ICE1: variants seen among roughly 807,000 people sequenced by gnomAD.
The protein encoded by ICE1 is little elongation complex subunit 1.
ICE1 carries 64 observed loss-of-function variants against 192.7 expected under a neutral mutation model. The ratio of observed to expected loss-of-function variants is 0.33; its 90% CI spans 0.27 to 0.41. ICE1 has a LOEUF of 0.41. Ranked by LOEUF, ICE1 falls within the 10% of genes least tolerant of loss-of-function variation. The pLI is 1.00. For missense variants in ICE1, 2,708 were observed against 2,696.0 expected, an observed-to-expected ratio of 1.00 and a Z score of -0.10; for synonymous variants, 1,010 against 984.5, an observed-to-expected ratio of 1.03 and a Z score of -0.49.
rs935820202 is a variant in ICE1 at position 5,463,219 on chromosome 5, C to G, written c.3885C>G (p.Thr1295=). The G allele has an allele frequency of 6.2e-7, 1 of 1,611,326 alleles. No homozygotes were observed. ...TCTTAAATGTAAATAACAACATGAC[C>G]ACTGAGAATTTAAAAGAGAAAAGTC... is the stretch of plus-strand genomic sequence containing the variant. ...LLLLNVNNNM[T]TENLKEKSPF... The change falls in exon 13 of 19, where the codon ACC becomes ACG. Residue 1295 remains threonine (T), a synonymous_variant. Coordinates refer to ENST00000296564, the MANE Select transcript of ICE1 (RefSeq NM_015325.3).
At chr5:5,478,842 C>G (rs574855910) in intron 17 of ICE1, among the ~76,000 whole-genome samples, 1 of 152,002 alleles carries the variant, frequency 6.6e-6, no homozygotes, top group South Asian at 2.1e-4. Context: ...AAACAAGCAA[C>G]GGGAAAAGGA....
chr5:5,461,098 A>G lies in ICE1; in HGVS notation c.1764A>G (p.Leu588=), dbSNP rs374313250. 31 of 1,613,942 alleles carry G rather than the reference A, an allele frequency of 1.9e-5. No individual in the cohort carries two copies. Among genetic ancestry groups the G allele is most frequent in the South Asian group, 9.9e-5 (9 of 91,094 alleles). ...RITVSGHFHR[L]SRELEKEKED... ...CAGTTTCTGGCCATTTTCACAGACT[A>G]TCTAGAGAATTGGAAAAGGAAAAAG... Residue 588 remains leucine (L), a synonymous_variant, in exon 13 of 19, where the codon CTA becomes CTG. Transcript: ENST00000296564.
chr5:5,437,576 CAT>C (rs1446439339), intron 3 of ICE1: 3 of 155,298 alleles, frequency 1.9e-5, no homozygotes, highest in African/African-American at 7.2e-5. Context: ...TCTCCAAAAT[CAT>C]AGAAATAGCG....
chr5:5,464,225 CCTT>C lies in ICE1; in HGVS notation c.4892_4894del (p.Pro1631del). 6.2e-7 allele frequency: 1 copy of C among 1,613,560 alleles called. No homozygotes were observed. Among genetic ancestry groups the C allele is most frequent in the Middle Eastern group, 1.7e-4 (1 of 6,060 alleles). ...TAAAATACGGCAAGAGGTGGGGCCT[CCTT>C]TGCCGCCTCTGCTTGCTCCTCTGAT... On this transcript the variant is annotated inframe_deletion, in exon 13 of 19. Coordinates refer to ENST00000296564, the MANE Select transcript of ICE1 (RefSeq NM_015325.3). This position sits in a 1 kb window ranked among gnomAD's most constrained non-coding sequence, Gnocchi z 4.0.
intron 17 of ICE1, among the ~76,000 whole-genome samples, chr5:5,482,352 CATA>C (rs2111405247): frequency 6.6e-6 from 1 of 152,234 alleles, no homozygotes; most frequent in Non-Finnish European, 1.5e-5. Context: ...GTGTAATTAA[CATA>C]ATATATAATT....
chr5:5,438,349 C>G (rs1737940271), intron 3 of ICE1, among the ~76,000 whole-genome samples: 1 of 152,188 alleles, frequency 6.6e-6, no homozygotes, highest in Non-Finnish European at 1.5e-5. Context: ...GGGACACAGC[C>G]AGACCATATC....
chr5:5,439,277 C>A (rs925265448), intron 3 of ICE1, among the ~76,000 whole-genome samples: 1 of 152,000 alleles, frequency 6.6e-6, no homozygotes, highest in Non-Finnish European at 1.5e-5. Flanking sequence ...AGGATGCACA[C>A]GTTTTTATGA....
chr5:5,454,692 C>T, intron 11 of ICE1, 54 bp downstream of exon 11: 1 of 1,347,400 alleles, frequency 7.4e-7, no homozygotes, highest in East Asian at 2.3e-5. Context: ...CAGAGCTTAA[C>T]CATAGGCATA....
intron 17 of ICE1, among the ~76,000 whole-genome samples, chr5:5,477,980 T>C (rs1739367229): frequency 6.6e-6 from 1 of 152,086 alleles, no homozygotes; most frequent in Admixed American, 6.5e-5. Context: ...GAACATAACA[T>C]AATTAGAGCT....
intron 7 of ICE1, 59 bp from the exon 8 acceptor site, chr5:5,447,368 C>T (rs1738261660): frequency 9.9e-7 from 1 of 1,007,718 alleles, no homozygotes; most frequent in African/African-American, 1.6e-5. Flanking sequence ...ATTTCATTAA[C>T]CACAGTAGTA....
intron 1 of ICE1, among the ~76,000 whole-genome samples, chr5:5,425,058 G>A (rs1737481806): frequency 6.6e-6 from 1 of 152,198 alleles, no homozygotes; most frequent in Admixed American, 6.5e-5. Context: ...TCTTCTGGTT[G>A]CTTAGGCCAG....
intron 5 of ICE1, 25 bp from the exon 6 acceptor site, chr5:5,443,143 A>G (rs1449265999): frequency 1.5e-6 from 2 of 1,296,876 alleles, no homozygotes; most frequent in South Asian, 1.4e-5. Context: ...TTTTGACAAT[A>G]TCTGTTTTTT....
rs759744101 is a variant in ICE1 at position 5,486,716 on chromosome 5, C to T, written c.6521-5C>T. 8 of 1,586,774 alleles carry T rather than the reference C, an allele frequency of 5.0e-6. No homozygotes were observed. The highest frequency in any genetic ancestry group is 4.6e-5 in the South Asian group (4 of 87,178). On this transcript the variant is annotated splice_polypyrimidine_tract_variant and splice_region_variant and intron_variant, in intron 17 of 18. Transcript: ENST00000296564. ...ACTGTTTACATTTTGGTTTGTTTCC[C>T]CTAGGTCGTTTAGGCCAATTGGGTT...
chr5:5,457,789 A>G (rs770416101), intron 12 of ICE1, 48 bp downstream of exon 12: 74 of 1,496,288 alleles, frequency 4.9e-5, no homozygotes, highest in Non-Finnish European at 6.8e-5. Context: ...TACATTGTCT[A>G]TCCTAATATG....
chr5:5,475,015 A>G (rs1739269144), intron 16 of ICE1, among the ~76,000 whole-genome samples: 2 of 152,232 alleles, frequency 1.3e-5, no homozygotes, highest in South Asian at 4.1e-4. Context: ...AGAAAATGAC[A>G]GAACAGTCTG....
Position 5,422,943 on chromosome 5 carries a change from G to A in ICE1, c.28G>A (p.Ala10Thr). The A allele has an allele frequency of 6.9e-7, 1 of 1,447,518 alleles. No individual in the cohort carries two copies. Among genetic ancestry groups the A allele is most frequent in the Admixed American group, 2.4e-5 (1 of 41,346 alleles). The allele number at this position is 1,447,518 out of a possible 1,614,324, so 89.7% of individuals were successfully genotyped here. ...GATGCCGGGCGAGACCCATTCGGCG[G>A]CGCCCGGGACGGCGGCGGACCTGTC... is the stretch of plus-strand genomic sequence containing the variant. MMPGETHSA[A>T]PGTAADLSRC... is the part of the protein sequence containing the mutation. Residue 10 changes from alanine (A) to threonine (T), a missense_variant, in exon 1 of 19, where the codon GCG becomes ACG. Around this residue, in one of 2 missense-constraint regions of ICE1, gnomAD observed 2,366 missense variants for 2,276.6 expected, o/e 1.04. Coordinates refer to ENST00000296564, the MANE Select transcript of ICE1 (RefSeq NM_015325.3).
At position 5,466,391 on chromosome 5, in the gene ICE1, T is replaced by A. The variant is rs1292237684; in HGVS notation, c.5950T>A (p.Ser1984Thr). Residue 1984 changes from serine (S) to threonine (T), a missense_variant, in exon 14 of 19, where the codon TCT (serine) becomes ACT (threonine). Around this residue, in one of 2 missense-constraint regions of ICE1, gnomAD observed 342 missense variants for 419.3 expected, o/e 0.82. Coordinates refer to ENST00000296564, the MANE Select transcript of ICE1 (RefSeq NM_015325.3). Reference protein sequence around the residue: ...ILSELKIQKISMDHNYIHALC... With the variant: ...ILSELKIQKITMDHNYIHALC... ...CTCAGAACTAAAAATTCAGAAGATATCTATGGACCACAATTACATTCACGC... is the reference window on the plus strand; with the variant it reads ...CTCAGAACTAAAAATTCAGAAGATAACTATGGACCACAATTACATTCACGC... 1 of 1,613,488 alleles carries A rather than the reference T, an allele frequency of 6.2e-7. No individual in the cohort carries two copies. The highest frequency in any genetic ancestry group is 1.3e-5 in the African/African-American group (1 of 75,018).
intron 17 of ICE1, among the ~76,000 whole-genome samples, chr5:5,483,153 G>A (rs145483399): frequency 6.6e-6 from 1 of 152,082 alleles, no homozygotes; most frequent in Non-Finnish European, 1.5e-5. Context: ...ACCATGCTCG[G>A]CTAATTTTTT....
At chr5:5,440,998 T>A in intron 4 of ICE1, 114 bp from the exon 5 acceptor site, 1 of 644,464 alleles carries the variant, frequency 1.6e-6, no homozygotes, top group South Asian at 2.2e-5. Flanking sequence ...TAAAAAGACT[T>A]TTTCATCCTT....
Sources: allele counts gnomAD v4.1 joint callset (sites outside exome capture counted in the v4.1 genomes callset), GRCh38; gene constraint gnomAD v4.1.1; regional missense constraint gnomAD v4.1.1; non-coding constraint Gnocchi (gnomAD v3.1); transcripts MANE v1.5; gene names NCBI Gene and HGNC (gene_info 2026-07-23, HGNC 2026-07-21).